Variants in UPF3A observed in about 807,000 individuals in gnomAD.
UPF3A encodes UPF3A regulator of nonsense mediated mRNA decay.
Under a neutral mutation model 53.5 loss-of-function variants are expected in UPF3A, and 42 were observed. The ratio of observed to expected loss-of-function variants is 0.78; its 90% CI spans 0.61 to 1.01. The LOEUF is 1.01. Ranked by LOEUF, UPF3A falls within the 50% of genes least tolerant of loss-of-function variation. UPF3A has a pLI of 0.00. For synonymous variants in UPF3A, 237 were observed against 225.3 expected, an observed-to-expected ratio of 1.05 and a Z score of -0.47; for missense variants, 575 against 598.0, an observed-to-expected ratio of 0.96 and a Z score of 0.40.
chr13:114,289,563 A>G (rs887559861), intron 5 of UPF3A, among the ~76,000 whole-genome samples: 2 of 151,496 alleles, frequency 1.3e-5, no homozygotes, highest in African/African-American at 2.4e-5. Flanking sequence ...TTCATGGCAG[A>G]TTACCTTTTT....
intron 8 of UPF3A, among the ~76,000 whole-genome samples, chr13:114,299,906 G>T (rs966031052): frequency 1.1e-4 from 17 of 152,236 alleles, no homozygotes; most frequent in African/African-American, 4.1e-4. Flanking sequence ...AGCCATAGTC[G>T]TAGGTGTGAT....
rs144554774 is a variant in UPF3A at position 114,302,962 on chromosome 13, C to T, written c.1302+937C>T. 4.5e-3 allele frequency among the ~76,000 whole-genome samples: 681 copies of T among 152,118 alleles called. 9 individuals are homozygous for T. The highest frequency in any genetic ancestry group is 0.015 in the African/African-American group (632 of 41,492). ...ACTAAAAATACAAAAAATAGCTGGGCGTGGTGGCGCGCCTGTAATCCCAGC... is the reference window on the plus strand; with the variant it reads ...ACTAAAAATACAAAAAATAGCTGGGTGTGGTGGCGCGCCTGTAATCCCAGC... On this transcript the variant is annotated intron_variant, in intron 9 of 9. Coordinates refer to ENST00000375299, the MANE Select transcript of UPF3A (RefSeq NM_023011.4).
At chr13:114,286,661 A>T in intron 5 of UPF3A, 32 bp downstream of exon 5, 2 of 1,538,636 alleles carry the variant, frequency 1.3e-6, no homozygotes, top group Non-Finnish European at 1.8e-6. Context: ...TCTTTTCTTT[A>T]TTGAGAGATT....
At chr13:114,304,051 G>A (rs1284279354) in intron 9 of UPF3A, among the ~76,000 whole-genome samples, 2 of 152,232 alleles carry the variant, frequency 1.3e-5, no homozygotes, top group African/African-American at 4.8e-5. Flanking sequence ...GGCTCCTGGT[G>A]GCTGTTGGAG....
At chr13:114,288,232 G>A (rs1050495051) in intron 5 of UPF3A, among the ~76,000 whole-genome samples, 8 of 152,234 alleles carry the variant, frequency 5.3e-5, no homozygotes, top group Non-Finnish European at 8.8e-5. Flanking sequence ...GCCTACCATC[G>A]GGATGACAGG....
At chr13:114,290,369 C>T (rs2085152228) in intron 5 of UPF3A, among the ~76,000 whole-genome samples, 1 of 152,210 alleles carries the variant, frequency 6.6e-6, no homozygotes, top group Non-Finnish European at 1.5e-5. Flanking sequence ...CTGATTCATT[C>T]CTGGTCCTCA....
At chr13:114,291,400 A>G in intron 5 of UPF3A, 89 bp from the exon 6 acceptor site, 3 of 1,251,894 alleles carry the variant, frequency 2.4e-6, no homozygotes, top group Non-Finnish European at 3.3e-6. Context: ...TGGTTCCCGT[A>G]TTTATTTTAA....
At position 114,305,016 on chromosome 13, in the gene UPF3A, A is replaced by G; in HGVS notation, c.*99A>G. Reference sequence around the variant, plus strand: ...TGGGAAGGAGAACTTATTCCTTACCAGGAAACTGGAAGCTAAAAATACAGA... The same window carrying G: ...TGGGAAGGAGAACTTATTCCTTACCGGGAAACTGGAAGCTAAAAATACAGA... On this transcript the variant is annotated 3_prime_UTR_variant, in exon 10 of 10. Coordinates refer to ENST00000375299, the MANE Select transcript of UPF3A (RefSeq NM_023011.4). The G allele has an allele frequency of 1.4e-6, 2 of 1,450,164 alleles. No homozygotes were observed. The highest frequency in any genetic ancestry group is 2.0e-5 in the Admixed American group (1 of 50,214). 89.8% of individuals were successfully genotyped at this position (1,450,164 alleles called of 1,614,324 possible).
At chr13:114,282,402 G>A in intron 2 of UPF3A, 4 of 1,219,848 alleles carry the variant, frequency 3.3e-6, no homozygotes, top group Non-Finnish European at 4.1e-6. Flanking sequence ...AGCGTTGCCC[G>A]CCCGGCGCCT....
intron 7 of UPF3A, among the ~76,000 whole-genome samples, chr13:114,294,274 G>T (rs566561539): frequency 4.2e-5 from 2 of 47,496 alleles, no homozygotes; most frequent in Middle Eastern, 0.013. Flanking sequence ...TGGTTTTGGT[G>T]GGGGGGGGGT....
intron 3 of UPF3A, 96 bp from the exon 4 acceptor site, chr13:114,286,206 G>A: frequency 6.8e-7 from 1 of 1,473,888 alleles, no homozygotes. Flanking sequence ...CATTGTCGTT[G>A]TTACACTTAC....
intron 2 of UPF3A, 198 bp from the exon 3 acceptor site, chr13:114,282,639 C>T: frequency 1.0e-6 from 1 of 985,342 alleles, no homozygotes; most frequent in South Asian, 4.7e-5. Flanking sequence ...GAGAAGGGAC[C>T]TGAGTTCTGC....
chr13:114,295,037 G>A (rs1172898277), intron 7 of UPF3A, among the ~76,000 whole-genome samples: 12 of 151,534 alleles, frequency 7.9e-5, no homozygotes, highest in Middle Eastern at 3.4e-3. Context: ...GCATGAACCC[G>A]GGAGGCGGAG....
rs2086338338 is a variant in UPF3A at position 114,299,062 on chromosome 13, C to T, written c.1007+62C>T. ...CCAGTCATGGTGACGTAGGCTTTGT[C>T]AGTATGAGTATGCCTATTTCACACT... On this transcript the variant is annotated intron_variant, in intron 8 of 9. Transcript: ENST00000375299. 56 of 1,480,164 alleles carry T rather than the reference C, an allele frequency of 3.8e-5. 1 individual carries two copies. In the South Asian group the frequency reaches 7.4e-4, roughly 20 times the overall value. 91.7% of individuals were successfully genotyped at this position (1,480,164 alleles called of 1,614,324 possible). A position where few individuals can be genotyped will look rare whatever the true frequency, so the allele number is the denominator to read the frequency against.
intron 8 of UPF3A, among the ~76,000 whole-genome samples, chr13:114,301,012 T>C (rs1194359183): frequency 6.8e-6 from 1 of 146,826 alleles, no homozygotes; most frequent in African/African-American, 2.7e-5. Context: ...GGCTTCACCA[T>C]GTTGACCAGG....
At chr13:114,284,225 G>A (rs1421358290) in intron 3 of UPF3A, 1 of 227,826 alleles carries the variant, frequency 4.4e-6, no homozygotes, top group African/African-American at 2.3e-5. Context: ...AGCCAGGCAT[G>A]GTGGCAGGCG....
chr13:114,295,632 C>A (rs371090709), intron 7 of UPF3A, among the ~76,000 whole-genome samples: 32 of 152,232 alleles, frequency 2.1e-4, no homozygotes, highest in Non-Finnish European at 3.7e-4. Context: ...CATGTCTGTT[C>A]GTAGCTTTTG....
chr13:114,298,855 G>A lies in UPF3A; in HGVS notation c.862G>A (p.Glu288Lys), dbSNP rs943077313. 2.5e-6 allele frequency: 4 copies of A among 1,573,180 alleles called. No individual in the cohort carries two copies. In the African/African-American group the frequency reaches 4.2e-5, roughly 16 times the overall value. The change falls in exon 8 of 10, where the codon GAA (glutamate) becomes AAA (lysine). Residue 288 changes from glutamate (E) to lysine (K), a missense_variant. Glu to Lys is a moderately conservative substitution (Grantham distance 56). This residue lies in a region of UPF3A where 323 missense variants were observed against 415.2 expected (regional missense o/e 0.78). Coordinates refer to ENST00000375299, the MANE Select transcript of UPF3A (RefSeq NM_023011.4). ...EVRIKLLKKP[E>K]KGEEPTTEKP... ...AATTTCTCAGCTTCTTAAGAAACCA[G>A]AAAAGGGAGAGGAACCAACCACAGA...
chr13:114,297,656 C>G (rs1050558697), intron 7 of UPF3A, among the ~76,000 whole-genome samples: 22 of 151,974 alleles, frequency 1.4e-4, no homozygotes, highest in African/African-American at 5.1e-4. Context: ...TGATGAAATC[C>G]CATCTCTACT....
Sources: allele counts gnomAD v4.1 joint callset (sites outside exome capture counted in the v4.1 genomes callset), GRCh38; gene constraint gnomAD v4.1.1; regional missense constraint gnomAD v4.1.1; transcripts MANE v1.5; gene names NCBI Gene and HGNC (gene_info 2026-07-23, HGNC 2026-07-21).